CORIN: variants seen among roughly 807,000 people sequenced by gnomAD.
The protein encoded by CORIN is corin, serine peptidase.
Under a neutral mutation model 125.3 loss-of-function variants are expected in CORIN, and 117 were observed. The observed-to-expected ratio is 0.93, with a 90% CI of 0.80 to 1.09. The LOEUF is 1.09. Among genes scored for constraint, CORIN ranks in the 50% least tolerant of loss-of-function variants. The pLI is 0.00. For missense variants in CORIN, 1,253 were observed against 1,306.7 expected (o/e 0.96, Z 0.63); for synonymous variants, 450 against 466.4 (o/e 0.96, Z 0.45).
At chr4:47,741,376 A>G (rs1157022691) in intron 5 of CORIN, among the ~76,000 whole-genome samples, 1 of 152,082 alleles carries the variant, frequency 6.6e-6, no homozygotes. Context: ...GCAAATCAAA[A>G]CCACAATGGG....
rs777652894 is a variant in CORIN at position 47,806,924 on chromosome 4, C to T, written c.187G>A (p.Val63Met). 6.2e-7 allele frequency: 1 copy of T among 1,612,880 alleles called. No homozygotes were observed. Among genetic ancestry groups the T allele is most frequent in the Admixed American group, 1.7e-5 (1 of 59,738 alleles). The stretch of plus-strand genomic sequence containing the variant: ...CCACCAACATAGGAAAGCAGGATCA[C>T]CAGCAAGAGAACGAGAGCACAGATA... ...PCICALVLLL[V>M]ILLSYVGTLQ... The change falls in exon 2 of 22, where the codon GTG becomes ATG. Residue 63 changes from valine (V) to methionine (M), a missense_variant. Coordinates refer to ENST00000273857, the MANE Select transcript of CORIN (RefSeq NM_006587.4).
chr4:47,661,875 C>T lies in CORIN; in HGVS notation c.1590-19G>A. On this transcript the variant is annotated intron_variant, in intron 11 of 21. Coordinates refer to ENST00000273857, the MANE Select transcript of CORIN (RefSeq NM_006587.4). ...CAATGCCCTAGATGAACAAGAAAGA[C>T]AAAACATTAGAAGCAGAAATAGCTC... is the stretch of plus-strand genomic sequence containing the variant. 6.4e-7 allele frequency: 1 copy of T among 1,570,180 alleles called. No homozygotes were observed. Among genetic ancestry groups the T allele is most frequent in the Non-Finnish European group, 8.7e-7 (1 of 1,155,740 alleles).
chr4:47,816,915 C>A (rs1732298431), intron 1 of CORIN, among the ~76,000 whole-genome samples: 1 of 152,086 alleles, frequency 6.6e-6, no homozygotes, highest in East Asian at 1.9e-4. Context: ...TCCAAATGTT[C>A]TTTAGAGTAC....
At position 47,764,394 on chromosome 4, in the gene CORIN, G is replaced by A. The variant is rs143969530; in HGVS notation, c.410-808C>T. Among the ~76,000 whole-genome samples, 907 of 152,228 alleles carry A rather than the reference G, an allele frequency of 6.0e-3. 9 individuals are homozygous for A. Among genetic ancestry groups the A allele is most frequent in the African/African-American group, 0.021 (872 of 41,546 alleles). Reference sequence around the variant, plus strand: ...TGCCAGAAATTTGCCTGGTTGACCCGATATAAACAAAAATGTTGACATGCA... The same window carrying A: ...TGCCAGAAATTTGCCTGGTTGACCCAATATAAACAAAAATGTTGACATGCA... On this transcript the variant is annotated intron_variant, in intron 3 of 21. Transcript: ENST00000273857.
chr4:47,644,017 C>T (rs1201520934), intron 14 of CORIN, among the ~76,000 whole-genome samples: 1 of 152,202 alleles, frequency 6.6e-6, no homozygotes, highest in Non-Finnish European at 1.5e-5. Context: ...GCTGCTGTGC[C>T]ATGTGCCCTA....
At chr4:47,713,918 T>C (rs1726972479) in intron 5 of CORIN, among the ~76,000 whole-genome samples, 1 of 152,184 alleles carries the variant, frequency 6.6e-6, no homozygotes, top group East Asian at 1.9e-4. Flanking sequence ...TAATTACTTA[T>C]ATTCTGAGTA....
intron 16 of CORIN, among the ~76,000 whole-genome samples, chr4:47,629,187 C>A (rs1330023579): frequency 6.6e-6 from 1 of 152,150 alleles, no homozygotes; most frequent in Non-Finnish European, 1.5e-5. Context: ...CCCTTCTCCA[C>A]TTCTCCCCAA....
chr4:47,682,029 T>C (rs1346571621), intron 7 of CORIN: 1 of 152,146 alleles, frequency 6.6e-6, no homozygotes, highest in East Asian at 1.9e-4. Context: ...TTTAGTGAAA[T>C]AAGCCAGGCA....
chr4:47,749,661 G>A (rs1728815765), intron 4 of CORIN, among the ~76,000 whole-genome samples: 1 of 152,192 alleles, frequency 6.6e-6, no homozygotes. Flanking sequence ...TAGGTTTATG[G>A]TAGTTTGCAA....
rs148946087 is a variant in CORIN, at chr4:47,807,848, A to T, written c.64-801T>A. The stretch of plus-strand genomic sequence containing the variant: ...ACTTCAAAAAAACATCTGAGATGGT[A>T]CTAAAAGGGCTTTGAATAACTACAA... On this transcript the variant is annotated intron_variant, in intron 1 of 21. Coordinates refer to ENST00000273857, the MANE Select transcript of CORIN (RefSeq NM_006587.4). Among the ~76,000 whole-genome samples the T allele has an allele frequency of 7.3e-4, 111 of 152,340 alleles. 1 individual carries two copies. In the East Asian group the frequency reaches 0.018, roughly 25 times the overall value.
chr4:47,683,181 G>A (rs1346615607), intron 7 of CORIN: 1 of 152,188 alleles, frequency 6.6e-6, no homozygotes, highest in Non-Finnish European at 1.5e-5. Flanking sequence ...ATGGCATTCA[G>A]AATTGGACAT....
chr4:47,707,219 A>C (rs1403936352), intron 5 of CORIN, among the ~76,000 whole-genome samples: 1 of 152,246 alleles, frequency 6.6e-6, no homozygotes, highest in East Asian at 1.9e-4. Context: ...GTTGTATGTT[A>C]GTGTATAAAA....
chr4:47,666,403 T>C (rs1724482464), intron 10 of CORIN, among the ~76,000 whole-genome samples: 1 of 152,148 alleles, frequency 6.6e-6, no homozygotes, highest in Non-Finnish European at 1.5e-5. Context: ...CTAGGCAATG[T>C]AAATGTAAGA....
chr4:47,795,019 T>A (rs544038908), intron 2 of CORIN, among the ~76,000 whole-genome samples: 11 of 152,264 alleles, frequency 7.2e-5, no homozygotes, highest in African/African-American at 2.4e-4. Context: ...GATATGCAAT[T>A]TTCCTAACAC....
chr4:47,680,421 TG>T, intron 7 of CORIN, 170 bp from the exon 8 acceptor site: 1 of 563,348 alleles, frequency 1.8e-6, no homozygotes, highest in Non-Finnish European at 3.2e-6. Context: ...TCCCCACTCA[TG>T]TGCCCCACTG....
intron 5 of CORIN, among the ~76,000 whole-genome samples, chr4:47,729,534 G>C (rs1182405702): frequency 6.6e-6 from 1 of 152,136 alleles, no homozygotes; most frequent in Non-Finnish European, 1.5e-5. Flanking sequence ...TAGGAGAAAA[G>C]TCAGAGACGC....
Position 47,683,842 on chromosome 4 carries a change from C to T in CORIN, c.914-4G>A, listed in dbSNP as rs1725396067. 2 of 1,604,526 alleles carry T rather than the reference C, an allele frequency of 1.2e-6. No homozygotes were observed. Among genetic ancestry groups the T allele is most frequent in the African/African-American group, 2.7e-5 (2 of 74,590 alleles). Reference sequence around the variant, plus strand: ...TGAAACAGATTCTCGCTGCAGTCTGCAAATAAAAGAAGCCACCAGTGTGTC... The same window carrying T: ...TGAAACAGATTCTCGCTGCAGTCTGTAAATAAAAGAAGCCACCAGTGTGTC... On this transcript the variant is annotated splice_polypyrimidine_tract_variant and splice_region_variant and intron_variant, in intron 6 of 21. Transcript: ENST00000273857.
chr4:47,786,892 C>T lies in CORIN; in HGVS notation c.242G>A (p.Gly81Glu). The change falls in exon 3 of 22, where the codon GGG becomes GAG. Residue 81 changes from glycine to glutamate, a missense_variant. By Grantham distance (98) the Gly-to-Glu change is moderately conservative. Coordinates refer to ENST00000273857, the MANE Select transcript of CORIN (RefSeq NM_006587.4). ...TLQKVYFKSN[G>E]SEPLVTDGEI... ...ACCATCAGTGACCAAAGGTTCACTC[C>T]CATTTGATTTAAAATAGACCTTTTG... is the stretch of plus-strand genomic sequence containing the variant. The T allele has an allele frequency of 6.2e-7, 1 of 1,613,262 alleles. No individual in the cohort carries two copies. The highest frequency in any genetic ancestry group is 8.5e-7 in the Non-Finnish European group (1 of 1,179,326).
At chr4:47,677,503 T>C (rs775100496) in intron 9 of CORIN, among the ~76,000 whole-genome samples, 3 of 152,230 alleles carry the variant, frequency 2.0e-5, no homozygotes, top group Non-Finnish European at 4.4e-5. Flanking sequence ...CACGCAGATA[T>C]CAAATCCTTT....
Sources: allele counts gnomAD v4.1 joint callset (sites outside exome capture counted in the v4.1 genomes callset), GRCh38; gene constraint gnomAD v4.1.1; transcripts MANE v1.5; gene names NCBI Gene and HGNC (gene_info 2026-07-23, HGNC 2026-07-21).